Variants in WDR72 observed in about 807,000 individuals in gnomAD.
The protein encoded by WDR72 is WD repeat domain 72, also known as WD repeat-containing protein 72.
In WDR72, 120 loss-of-function variants were observed where a neutral mutation model predicts 124.2. That is an observed-to-expected ratio of 0.97 (90% CI 0.83 to 1.12). The LOEUF (loss-of-function observed/expected upper bound fraction) is 1.12. Ranked by LOEUF, WDR72 falls within the 50% of genes most tolerant of loss-of-function variation. The probability of loss-of-function intolerance (pLI) is 0.00; values close to 1 mark genes in which losing one functional copy is unlikely to be tolerated. For missense variants in WDR72, 1,387 were observed against 1,278.8 expected (o/e 1.08, Z -1.29); for synonymous variants, 452 against 441.7 (o/e 1.02, Z -0.29).
Position 53,712,929 on chromosome 15 carries a change from G to A in WDR72, c.592-38C>T, listed in dbSNP as rs575425117. ...AGAAAATCTTTTAGTACTAGTTCCA[G>A]GTAATTCATACACAGCCATGAGAAG... On this transcript the variant is annotated intron_variant, in intron 6 of 19. Coordinates refer to ENST00000360509, the MANE Select transcript of WDR72 (RefSeq NM_182758.4). 3.3e-5 allele frequency: 53 copies of A among 1,609,844 alleles called. No individual in the cohort carries two copies. The South Asian group carries it at 4.9e-4, about 15-fold the overall frequency.
At chr15:53,717,671 T>C (rs28701932) in intron 3 of WDR72, among the ~76,000 whole-genome samples, 3,635 of 152,260 alleles carry the variant, frequency 0.024, 155 homozygotes, top group African/African-American at 0.084. Flanking sequence ...TAGTGGCATC[T>C]AGTGGGGAGA....
rs992026776 is a variant in WDR72 at position 53,517,332 on chromosome 15, T to C, written c.*367A>G. ...ATTGTGTACTACATTGGTTTTAACA[T>C]TGTTTATTATATAATTCAGGGACTA... On this transcript the variant is annotated 3_prime_UTR_variant, in exon 20 of 20. Transcript: ENST00000360509. The C allele has an allele frequency of 1.5e-5, 4 of 267,548 alleles. No homozygotes were observed. Among genetic ancestry groups the C allele is most frequent in the Admixed American group, 9.6e-5 (2 of 20,858 alleles). The allele number at this position is 267,548 out of a possible 1,614,324, so 16.6% of individuals were successfully genotyped here. A position where few individuals can be genotyped will look rare whatever the true frequency, so the allele number is the denominator to read the frequency against.
intron 14 of WDR72, among the ~76,000 whole-genome samples, chr15:53,628,487 G>A (rs1402076989): frequency 6.6e-6 from 1 of 152,048 alleles, no homozygotes; most frequent in African/African-American, 2.4e-5. Flanking sequence ...AAGTTTGACA[G>A]GAAAAGATAG....
intron 17 of WDR72, among the ~76,000 whole-genome samples, chr15:53,608,251 A>G (rs967414935): frequency 2.0e-5 from 3 of 152,186 alleles, no homozygotes; most frequent in African/African-American, 7.2e-5. Context: ...GAAGCAACCT[A>G]AGTATTTGGA....
At chr15:53,736,186 C>G (rs2018348802) in intron 1 of WDR72, among the ~76,000 whole-genome samples, 1 of 152,126 alleles carries the variant, frequency 6.6e-6, no homozygotes, top group Non-Finnish European at 1.5e-5. Context: ...GAACCCTTTC[C>G]CTTCTTTGCT....
Position 53,746,816 on chromosome 15 carries a change from C to T in WDR72, c.-13+12817G>A, listed in dbSNP as rs148247817. ...TGTACACTCAATTTGGAATTGTGCA[C>T]TTTAAAAGTATGCAGTTTATTAAAT... On this transcript the variant is annotated intron_variant, in intron 1 of 19. Transcript: ENST00000360509. Among the ~76,000 whole-genome samples the T allele has an allele frequency of 9.9e-4, 150 of 152,226 alleles. 1 individual carries two copies. Among genetic ancestry groups the T allele is most frequent in the South Asian group, 2.9e-3 (14 of 4,824 alleles).
At chr15:53,588,312 A>G (rs202058338) in intron 18 of WDR72, among the ~76,000 whole-genome samples, 1 of 152,094 alleles carries the variant, frequency 6.6e-6, no homozygotes, top group Admixed American at 6.6e-5. Context: ...TTTGCCCTCA[A>G]GGAGTTCACA....
At chr15:53,677,443 T>G (rs1353786370) in intron 13 of WDR72, among the ~76,000 whole-genome samples, 1 of 152,192 alleles carries the variant, frequency 6.6e-6, no homozygotes, top group Non-Finnish European at 1.5e-5. Flanking sequence ...CAAAGGAAGC[T>G]GATATGATTT....
rs763921054 is a variant in WDR72 at position 53,665,649 on chromosome 15, T to C, written c.1885A>G (p.Ile629Val). Residue 629 changes from isoleucine (I) to valine (V), a missense_variant, in exon 14 of 20, where the codon ATA (isoleucine) becomes GTA (valine). Ile to Val is a conservative substitution (Grantham distance 29, BLOSUM62 3). Transcript: ENST00000360509. ...TAGGGGCTGGAGGATCTCTGTTCTA[T>C]ACTTTTGTGCTTAAGTGTCTCTGAG... The part of the protein sequence containing the change: ...IASETLKHKS[I>V]EQRSSSPYQL... 2.5e-6 allele frequency: 4 copies of C among 1,613,958 alleles called. No individual in the cohort carries two copies. Among genetic ancestry groups the C allele is most frequent in the East Asian group, 2.2e-5 (1 of 44,876 alleles).
intron 14 of WDR72, among the ~76,000 whole-genome samples, chr15:53,658,741 CA>C (rs2015512008): frequency 6.6e-6 from 1 of 152,140 alleles, no homozygotes; most frequent in Admixed American, 6.6e-5. Flanking sequence ...AAACATGAGC[CA>C]GGGTTTGGAA....
rs192585643 is a variant in WDR72 at position 53,584,085 on chromosome 15, A to G, written c.3148+12994T>C. On this transcript the variant is annotated intron_variant, in intron 18 of 19. Coordinates refer to ENST00000360509, the MANE Select transcript of WDR72 (RefSeq NM_182758.4). ...AGAGAAGGAGGTTAATAATGTCTAC[A>G]TAATTACACAAAAAAGGAAAGGGAA... Among the ~76,000 whole-genome samples, 569 of 152,160 alleles carry G rather than the reference A, an allele frequency of 3.7e-3. 5 individuals are homozygous for G. Among genetic ancestry groups the G allele is most frequent in the South Asian group, 0.03 (146 of 4,818 alleles).
At chr15:53,654,631 A>G (rs489630) in intron 14 of WDR72, among the ~76,000 whole-genome samples, 11,154 of 152,158 alleles carry the variant, frequency 0.073, 1,005 homozygotes, top group African/African-American at 0.21. Context: ...TGTTATATGG[A>G]CACTTCCTCA....
At chr15:53,532,343 C>G (rs1349185844) in intron 18 of WDR72, among the ~76,000 whole-genome samples, 1 of 152,072 alleles carries the variant, frequency 6.6e-6, no homozygotes, top group East Asian at 1.9e-4. Context: ...TCTGTATTCC[C>G]ATGTTTATTG....
chr15:53,529,145 C>CAT (rs34418320), intron 18 of WDR72, among the ~76,000 whole-genome samples: 39 of 112,506 alleles, frequency 3.5e-4, no homozygotes, highest in East Asian at 9.3e-4. Context: ...CTGTTTAGCC[C>CAT]ATATATATAT....
chr15:53,682,593 TA>T (rs1331729240), intron 13 of WDR72, among the ~76,000 whole-genome samples: 2 of 152,120 alleles, frequency 1.3e-5, no homozygotes, highest in African/African-American at 4.8e-5. Context: ...CTTGAATGCT[TA>T]AAAACTTATT....
At chr15:53,749,643 A>G (rs1174537220) in intron 1 of WDR72, among the ~76,000 whole-genome samples, 1 of 152,210 alleles carries the variant, frequency 6.6e-6, no homozygotes, top group African/African-American at 2.4e-5. Flanking sequence ...GACATGTTGA[A>G]AGTCAAGACA....
intron 13 of WDR72, among the ~76,000 whole-genome samples, chr15:53,682,351 C>T (rs1018947367): frequency 5.9e-5 from 9 of 151,566 alleles, no homozygotes; most frequent in Non-Finnish European, 1.0e-4. Flanking sequence ...TTTGCATGCA[C>T]ATGCATGTAA....
At chr15:53,575,755 A>T (rs1003320225) in intron 18 of WDR72, among the ~76,000 whole-genome samples, 1 of 152,162 alleles carries the variant, frequency 6.6e-6, no homozygotes, top group African/African-American at 2.4e-5. Flanking sequence ...GAGGTTGAGT[A>T]TTGATGTCCA....
intron 13 of WDR72, among the ~76,000 whole-genome samples, chr15:53,676,899 T>C: frequency 6.6e-6 from 1 of 151,714 alleles, no homozygotes; most frequent in East Asian, 1.9e-4. Context: ...AGTCATTCTT[T>C]ACTATTTTAT....
Sources: allele counts gnomAD v4.1 joint callset (sites outside exome capture counted in the v4.1 genomes callset), GRCh38; gene constraint gnomAD v4.1.1; transcripts MANE v1.5; gene names NCBI Gene and HGNC (gene_info 2026-07-23, HGNC 2026-07-21).